P2RY14: variants seen among roughly 807,000 people sequenced by gnomAD.
P2RY14 encodes the protein P2Y purinoceptor 14.
Under a neutral mutation model 0.9 loss-of-function variants are expected in P2RY14, and 2 were observed. That is an observed-to-expected ratio of 2.16 (90% CI 0.88 to 6.79). The LOEUF (loss-of-function observed/expected upper bound fraction) is 6.79, where lower values mean the gene tolerates loss of function less well. Ranked by LOEUF, P2RY14 falls within the 30% of genes most tolerant of loss-of-function variation. P2RY14 has a pLI of 0.05. For synonymous variants in P2RY14, 158 were observed against 147.2 expected, an observed-to-expected ratio of 1.07 and a Z score of -0.53; for missense variants, 378 against 400.1, an observed-to-expected ratio of 0.94 and a Z score of 0.47.
Position 151,257,765 on chromosome 3 carries a change from A to G in P2RY14, c.-133+20522T>C, listed in dbSNP as rs1029291595. 5.9e-5 allele frequency among the ~76,000 whole-genome samples: 9 copies of G among 152,304 alleles called. No individual in the cohort carries two copies. The East Asian group carries it at 1.2e-3, about 20-fold the overall frequency. ...TGGTATTTATGGAGCTATATCTCAC[A>G]ACAATTTTCCTCTGGCTTACATTTT... On this transcript the variant is annotated intron_variant, in intron 1 of 2. Transcript: ENST00000309170.
chr3:151,247,466 C>T (rs1465223795), intron 1 of P2RY14, among the ~76,000 whole-genome samples: 1 of 151,602 alleles, frequency 6.6e-6, no homozygotes, highest in African/African-American at 2.4e-5. Context: ...TTTGTAGGGA[C>T]ATGGATGAAA....
intron 1 of P2RY14, among the ~76,000 whole-genome samples, chr3:151,246,938 C>T (rs932157097): frequency 6.6e-6 from 1 of 152,140 alleles, no homozygotes; most frequent in Non-Finnish European, 1.5e-5. Flanking sequence ...AAACAAACAA[C>T]CCCATCAAAA....
Position 151,213,555 on chromosome 3 carries a change from G to C in P2RY14, c.762C>G (p.Ile254Met). Residue 254 changes from isoleucine to methionine, a missense_variant, in exon 3 of 3, where the codon ATC becomes ATG. Transcript: ENST00000309170. ...VCFVPYHIAR[I>M]PYTKSQTEAH... ...CTTCGGTCTGACTCTTTGTGTAGGG[G>C]ATTCTGGCAATATGGTAAGGTACAA... The C allele has an allele frequency of 6.2e-7, 1 of 1,614,144 alleles. No individual in the cohort carries two copies. The highest frequency in any genetic ancestry group is 8.5e-7 in the Non-Finnish European group (1 of 1,180,008).
chr3:151,255,779 C>G (rs150567322), intron 1 of P2RY14, among the ~76,000 whole-genome samples: 1 of 152,288 alleles, frequency 6.6e-6, no homozygotes, highest in East Asian at 1.9e-4. Flanking sequence ...TGCTACATAA[C>G]GTGGCATATG....
In P2RY14 at chr3:151,269,266, G is replaced by A. The variant is rs545972196; in HGVS notation, c.-133+9021C>T. ...AAATACAAAATTAGCCAGGTGTGGT[G>A]GTGCATGCCTGTAATCCCAGCTACT... On this transcript the variant is annotated intron_variant, in intron 1 of 2. Transcript: ENST00000309170. 5.9e-5 allele frequency among the ~76,000 whole-genome samples: 9 copies of A among 152,154 alleles called. No homozygotes were observed. In the South Asian group the frequency reaches 1.9e-3, roughly 32 times the overall value.
At chr3:151,238,211 A>G (rs916038398) in intron 1 of P2RY14, among the ~76,000 whole-genome samples, 22 of 151,878 alleles carry the variant, frequency 1.4e-4, no homozygotes, top group Admixed American at 4.6e-4. Flanking sequence ...CAGTGGCACT[A>G]TCTTGGCTCA....
At position 151,213,124 on chromosome 3, in the gene P2RY14, T is replaced by C; in HGVS notation, c.*176A>G. ...ATTAGAGAAATTACTGATGGGTATG[T>C]TTTCTTTGATGTTACAAAAAAGCAT... On this transcript the variant is annotated 3_prime_UTR_variant, in exon 3 of 3. Coordinates refer to ENST00000309170, the MANE Select transcript of P2RY14 (RefSeq NM_014879.4). The C allele has an allele frequency of 1.9e-6, 1 of 518,366 alleles. No individual in the cohort carries two copies. Among genetic ancestry groups the C allele is most frequent in the Non-Finnish European group, 3.3e-6 (1 of 299,036 alleles). 32.1% of individuals were successfully genotyped at this position (518,366 alleles called of 1,614,324 possible).
At chr3:151,266,094 C>A (rs1157432397) in intron 1 of P2RY14, among the ~76,000 whole-genome samples, 2 of 152,134 alleles carry the variant, frequency 1.3e-5, no homozygotes, top group African/African-American at 4.8e-5. Flanking sequence ...CCATCTTTCC[C>A]CTTTCAGTTC....
chr3:151,228,205 T>C (rs1309226060), intron 1 of P2RY14, among the ~76,000 whole-genome samples: 2 of 152,194 alleles, frequency 1.3e-5, no homozygotes, highest in Non-Finnish European at 2.9e-5. Flanking sequence ...TGCATGCTTG[T>C]GGGATACAGT....
intron 1 of P2RY14, among the ~76,000 whole-genome samples, chr3:151,228,150 T>C (rs1373909258): frequency 6.6e-6 from 1 of 152,198 alleles, no homozygotes; most frequent in Non-Finnish European, 1.5e-5. Context: ...TACTGCTCTG[T>C]TGGAATAGTG....
At chr3:151,272,952 G>C (rs1287850366) in intron 1 of P2RY14, among the ~76,000 whole-genome samples, 1 of 152,116 alleles carries the variant, frequency 6.6e-6, no homozygotes, top group Admixed American at 6.6e-5. Context: ...AGTCCGAAGT[G>C]CTTCAATATC....
At chr3:151,250,498 C>G (rs1044886309) in intron 1 of P2RY14, among the ~76,000 whole-genome samples, 1 of 152,164 alleles carries the variant, frequency 6.6e-6, no homozygotes, top group Non-Finnish European at 1.5e-5. Context: ...AATACTCTAG[C>G]TATCTCATAG....
intron 1 of P2RY14, among the ~76,000 whole-genome samples, chr3:151,222,143 T>A (rs568287158): frequency 5.9e-5 from 9 of 152,308 alleles, no homozygotes; most frequent in African/African-American, 2.2e-4. Context: ...TTCCTCCCAT[T>A]TGGAATGACT....
At chr3:151,230,885 A>G (rs931814818) in intron 1 of P2RY14, among the ~76,000 whole-genome samples, 5 of 152,322 alleles carry the variant, frequency 3.3e-5, no homozygotes, top group Admixed American at 3.3e-4. Context: ...TAGCCACTGA[A>G]AGGAAACAGG....
chr3:151,244,905 T>A (rs572834086), intron 1 of P2RY14, among the ~76,000 whole-genome samples: 13 of 151,910 alleles, frequency 8.6e-5, no homozygotes, highest in South Asian at 4.2e-4. Context: ...GAGAAGAATC[T>A]AATAGACCCA....
At chr3:151,247,962 C>CTTTTTTTTTTTTTTTTTTTTT (rs61102632) in intron 1 of P2RY14, among the ~76,000 whole-genome samples, 12 of 75,898 alleles carry the variant, frequency 1.6e-4, no homozygotes, top group Non-Finnish European at 2.2e-4. Flanking sequence ...TCTTCTTCTT[C>CTTTTTTTTTTTTTTTTTTTTT]TTTTTTTTTT....
intron 1 of P2RY14, chr3:151,269,984 T>G (rs543630592): frequency 3.4e-6 from 1 of 295,116 alleles, no homozygotes; most frequent in African/African-American, 2.3e-5. Context: ...CTACTTGGTT[T>G]TCAATATGGA....
intron 1 of P2RY14, among the ~76,000 whole-genome samples, chr3:151,265,496 C>G (rs1309270787): frequency 6.6e-6 from 1 of 152,178 alleles, no homozygotes; most frequent in Non-Finnish European, 1.5e-5. Flanking sequence ...TTATTCTCAA[C>G]TGCCCACTTG....
At chr3:151,259,245 A>G (rs1023829109) in intron 1 of P2RY14, among the ~76,000 whole-genome samples, 1 of 152,202 alleles carries the variant, frequency 6.6e-6, no homozygotes, top group South Asian at 2.1e-4. Context: ...GTGAGGTGCT[A>G]TCAACCTCTG....
Sources: gnomAD v4.1 joint callset for allele counts (sites outside exome capture counted in the v4.1 genomes callset) on GRCh38, gnomAD v4.1.1 for gene constraint, MANE v1.5 for transcripts, NCBI Gene and HGNC (gene_info 2026-07-23, HGNC 2026-07-21) for gene names.